Variants in DYRK1A observed in about 807,000 individuals in gnomAD.
The protein encoded by DYRK1A is dual specificity tyrosine phosphorylation regulated kinase 1A, also known as dual specificity tyrosine-phosphorylation-regulated kinase 1A.
DYRK1A carries 9 observed loss-of-function variants against 79.7 expected under a neutral mutation model. The observed-to-expected ratio is 0.11, with a 90% CI of 0.07 to 0.20. The LOEUF (loss-of-function observed/expected upper bound fraction) is 0.20. DYRK1A is among the 10% of genes least tolerant of loss of function. DYRK1A has a pLI of 1.00. For synonymous variants in DYRK1A, 349 were observed against 329.7 expected (o/e 1.06, Z -0.63); for missense variants, 622 against 956.0 (o/e 0.65, Z 4.61).
intron 2 of DYRK1A, among the ~76,000 whole-genome samples, chr21:37,421,490 G>A (rs887265126): frequency 1.3e-5 from 2 of 152,054 alleles, no homozygotes; most frequent in African/African-American, 2.4e-5. Context: ...TTTTAAGACC[G>A]ATGTTAATTC....
intron 7 of DYRK1A, 121 bp from the exon 8 acceptor site, chr21:37,492,896 A>G (rs111679276): frequency 5.4e-5 from 41 of 753,578 alleles, no homozygotes; most frequent in South Asian, 2.0e-4. Flanking sequence ...AAGTTAATCA[A>G]TGGAACCCTA....
intron 1 of DYRK1A, among the ~76,000 whole-genome samples, chr21:37,370,087 A>G (rs2049400295): frequency 1.3e-5 from 2 of 152,106 alleles, no homozygotes; most frequent in Admixed American, 1.3e-4. Flanking sequence ...ACTTAAAGAT[A>G]TGGGGGTGGA....
At chr21:37,504,345 G>A (rs539313481) in intron 9 of DYRK1A, 1 of 152,294 alleles carries the variant, frequency 6.6e-6, no homozygotes, top group African/African-American at 2.4e-5. Flanking sequence ...AGTTGGTTCA[G>A]ACTTGGGCTG....
chr21:37,458,670 A>C (rs2051740382), intron 2 of DYRK1A, among the ~76,000 whole-genome samples: 1 of 152,102 alleles, frequency 6.6e-6, no homozygotes. Flanking sequence ...TCCTAGCCTA[A>C]TGTCTGTCTT....
At chr21:37,386,789 G>T (rs771500752) in intron 1 of DYRK1A, among the ~76,000 whole-genome samples, 27 of 152,272 alleles carry the variant, frequency 1.8e-4, no homozygotes, top group Non-Finnish European at 2.6e-4. Flanking sequence ...TCACTGGCAG[G>T]CTCTATCCTC....
chr21:37,456,696 C>CCTA (rs1198610634), intron 2 of DYRK1A, among the ~76,000 whole-genome samples: 3 of 152,186 alleles, frequency 2.0e-5, no homozygotes, highest in African/African-American at 7.2e-5. Context: ...CGCGGGCCCA[C>CCTA]CTACCTCTGG....
At chr21:37,485,126 T>C (rs1417831659) in intron 5 of DYRK1A, among the ~76,000 whole-genome samples, 5 of 151,978 alleles carry the variant, frequency 3.3e-5, no homozygotes, top group African/African-American at 9.7e-5. Flanking sequence ...TAGGCATTGA[T>C]GTAAAAGAAA....
At chr21:37,408,535 T>C (rs1017260335) in intron 1 of DYRK1A, among the ~76,000 whole-genome samples, 1 of 152,200 alleles carries the variant, frequency 6.6e-6, no homozygotes, top group Non-Finnish European at 1.5e-5. Flanking sequence ...TCCCAAGATT[T>C]ATCTGATTAA....
rs554220497 is a variant in DYRK1A, at chr21:37,455,172, A to G, written c.11-17512A>G. The stretch of plus-strand genomic sequence containing the variant: ...GAGGTCTTAACTACACAGTGATTCT[A>G]CCCCTGTGTGTGAGGGCCTGGGCTC... On this transcript the variant is annotated intron_variant, in intron 2 of 11. Coordinates refer to ENST00000647188, the MANE Select transcript of DYRK1A (RefSeq NM_001347721.2). Among the ~76,000 whole-genome samples, 4 of 151,826 alleles carry G rather than the reference A, an allele frequency of 2.6e-5. No individual in the cohort carries two copies. In the East Asian group the frequency reaches 5.8e-4, roughly 22 times the overall value.
At chr21:37,439,728 G>A (rs1385278535) in intron 2 of DYRK1A, among the ~76,000 whole-genome samples, 3 of 152,166 alleles carry the variant, frequency 2.0e-5, no homozygotes, top group Non-Finnish European at 2.9e-5. Context: ...GTGCCAAAAA[G>A]TTTGGGGGAC....
intron 1 of DYRK1A, among the ~76,000 whole-genome samples, chr21:37,402,916 A>G (rs1383627957): frequency 6.6e-6 from 1 of 152,064 alleles, no homozygotes; most frequent in African/African-American, 2.4e-5. Context: ...GGTATGCACC[A>G]CTATGCCTGC....
intron 11 of DYRK1A, chr21:37,506,449 T>G: frequency 7.4e-7 from 1 of 1,344,738 alleles, no homozygotes; most frequent in Non-Finnish European, 9.9e-7. Context: ...AGTTGTTGTT[T>G]TGAACAGTTT....
At chr21:37,464,122 CTTG>C (rs2051944065) in intron 2 of DYRK1A, among the ~76,000 whole-genome samples, 2 of 152,084 alleles carry the variant, frequency 1.3e-5, no homozygotes, top group African/African-American at 4.8e-5. Context: ...GCTTCTGATA[CTTG>C]TTATTTTTAC....
intron 2 of DYRK1A, among the ~76,000 whole-genome samples, chr21:37,467,851 A>C (rs1375893571): frequency 6.6e-6 from 1 of 152,136 alleles, no homozygotes; most frequent in Non-Finnish European, 1.5e-5. Context: ...TCACTGTACT[A>C]AAGGTCCCAG....
chr21:37,450,607 T>TA (rs567653709), intron 2 of DYRK1A, among the ~76,000 whole-genome samples: 2 of 152,298 alleles, frequency 1.3e-5, no homozygotes, highest in South Asian at 4.1e-4. Flanking sequence ...GTCATTCTGA[T>TA]ACAGTTAGGG....
rs2148662620 is a variant in DYRK1A, at chr21:37,512,155, G to C, written c.1889G>C (p.Ser630Thr). 6.2e-7 allele frequency: 1 copy of C among 1,614,178 alleles called. No homozygotes were observed. Among genetic ancestry groups the C allele is most frequent in the Non-Finnish European group, 8.5e-7 (1 of 1,180,032 alleles). The change falls in exon 12 of 12, where the codon AGC becomes ACC. Residue 630 changes from serine to threonine, a missense_variant. Physicochemically the swap from Ser to Thr is moderately conservative, Grantham distance 58. Around this residue, in one of 5 missense-constraint regions of DYRK1A, gnomAD observed 292 missense variants for 316.7 expected, o/e 0.92. Coordinates refer to ENST00000647188, the MANE Select transcript of DYRK1A (RefSeq NM_001347721.2). ...RPRVYNSPTN[S>T]SSTQDSMEVG... Reference sequence around the variant, plus strand: ...AGGGTCTACAATTCTCCAACGAATAGCTCCTCTACCCAAGATTCTATGGAG... The same window carrying C: ...AGGGTCTACAATTCTCCAACGAATACCTCCTCTACCCAAGATTCTATGGAG...
At chr21:37,488,565 C>T in intron 6 of DYRK1A, 2 of 985,174 alleles carry the variant, frequency 2.0e-6, no homozygotes, top group Non-Finnish European at 2.4e-6. Context: ...AAAGTCTTGC[C>T]AGCCCTCCAT....
At position 37,520,565 on chromosome 21, in the gene DYRK1A, CTGTT is replaced by C. The variant is rs200469500; in HGVS notation, c.*8041_*8044del. 7.1e-3 allele frequency: 1,086 copies of C among 152,228 alleles called. 13 individuals are homozygous for C. Among genetic ancestry groups the C allele is most frequent in the African/African-American group, 0.025 (1,042 of 41,530 alleles). The allele number at this position is 152,228 out of a possible 1,614,324, so 9.4% of individuals were successfully genotyped here. ...GACAAAAATGTCTTAGGATAAAAGT[CTGTT>C]TGTTTGCATTAGACTATACATGATT... is the stretch of plus-strand genomic sequence containing the variant. On this transcript the variant is annotated 3_prime_UTR_variant, in exon 12 of 12. Transcript: ENST00000647188.
At chr21:37,461,860 C>CT (rs113876525) in intron 2 of DYRK1A, among the ~76,000 whole-genome samples, 4,678 of 125,846 alleles carry the variant, frequency 0.037, 209 homozygotes, top group African/African-American at 0.11. Context: ...TGACTTTTTC[C>CT]TTTTTTTTTT....
Sources: gnomAD v4.1 joint callset for allele counts (sites outside exome capture counted in the v4.1 genomes callset) on GRCh38, gnomAD v4.1.1 for gene constraint, gnomAD v4.1.1 regional missense constraint, MANE v1.5 for transcripts, NCBI Gene and HGNC (gene_info 2026-07-23, HGNC 2026-07-21) for gene names.